EGFR: variants seen among roughly 807,000 people sequenced by gnomAD.
EGFR encodes epidermal growth factor receptor.
EGFR carries 58 observed loss-of-function variants against 143.0 expected under a neutral mutation model. The ratio of observed to expected loss-of-function variants is 0.41; its 90% CI spans 0.33 to 0.50. EGFR has a LOEUF of 0.50. Ranked by LOEUF, EGFR falls within the 20% of genes least tolerant of loss-of-function variation. The pLI, the probability that EGFR is intolerant of heterozygous loss-of-function variation, is 0.39. For missense variants in EGFR, 1,307 were observed against 1,579.0 expected (o/e 0.83, Z 2.92); for synonymous variants, 613 against 594.4 (o/e 1.03, Z -0.45).
chr7:55,027,997 T>A (rs1024746), intron 1 of EGFR, among the ~76,000 whole-genome samples: 13 of 102,606 alleles, frequency 1.3e-4, no homozygotes, highest in African/African-American at 2.2e-4. Context: ...AAAAAATATA[T>A]ATATATATAT....
intron 1 of EGFR, among the ~76,000 whole-genome samples, chr7:55,097,150 C>A (rs916038332): frequency 2.0e-5 from 3 of 152,158 alleles, no homozygotes; most frequent in African/African-American, 2.4e-5. Flanking sequence ...TATTTCTGTG[C>A]CTTGCCCCAG....
chr7:55,145,588 C>T (rs1794719255), intron 3 of EGFR, among the ~76,000 whole-genome samples: 1 of 152,220 alleles, frequency 6.6e-6, no homozygotes, highest in Non-Finnish European at 1.5e-5. Context: ...CCAGGATCTT[C>T]AGGGGTGAAT....
chr7:55,108,259 T>C (rs1312676056), intron 1 of EGFR, among the ~76,000 whole-genome samples: 5 of 152,260 alleles, frequency 3.3e-5, no homozygotes, highest in Admixed American at 3.3e-4. Context: ...GCTTATGTTC[T>C]AGTCATGACT....
chr7:55,193,671 C>T (rs1056910867), intron 22 of EGFR, among the ~76,000 whole-genome samples: 11 of 152,140 alleles, frequency 7.2e-5, no homozygotes, highest in East Asian at 3.9e-4. Context: ...CCATCTACAG[C>T]GACAGGAGCA....
intron 27 of EGFR, among the ~76,000 whole-genome samples, chr7:55,203,255 CAT>C (rs1247519229): frequency 6.7e-6 from 1 of 148,442 alleles, no homozygotes; most frequent in East Asian, 2.0e-4. Flanking sequence ...TGTATACACA[CAT>C]ACACACACCA....
intron 27 of EGFR, among the ~76,000 whole-genome samples, chr7:55,204,678 CCA>C (rs1051614943): frequency 3.7e-5 from 5 of 134,936 alleles, no homozygotes; most frequent in African/African-American, 1.4e-4. Flanking sequence ...CGTACACACA[CCA>C]CACACACCAC....
intron 1 of EGFR, among the ~76,000 whole-genome samples, chr7:55,140,245 C>G (rs1393590895): frequency 6.6e-6 from 1 of 152,102 alleles, no homozygotes; most frequent in African/African-American, 2.4e-5. Context: ...AACTTGCAAG[C>G]TGACGTCCTT....
At chr7:55,105,255 C>G (rs1792064129) in intron 1 of EGFR, among the ~76,000 whole-genome samples, 1 of 152,120 alleles carries the variant, frequency 6.6e-6, no homozygotes, top group African/African-American at 2.4e-5. Context: ...TACCACATAC[C>G]TTTTGGTGTG....
rs1787749428 is a variant in EGFR at position 55,038,897 on chromosome 7, G to A, written c.88+19532G>A. On this transcript the variant is annotated intron_variant, in intron 1 of 27. Coordinates refer to ENST00000275493, the MANE Select transcript of EGFR (RefSeq NM_005228.5). ...TGCTTCCCTGCCGGCAGGTGCTCTGGTTCTGCACTGCCTGTTGTCCCTTGC... is the reference window on the plus strand; with the variant it reads ...TGCTTCCCTGCCGGCAGGTGCTCTGATTCTGCACTGCCTGTTGTCCCTTGC... 2.0e-5 allele frequency among the ~76,000 whole-genome samples: 3 copies of A among 151,748 alleles called. No individual in the cohort carries two copies. The South Asian group carries it at 6.3e-4, about 32-fold the overall frequency.
chr7:55,112,414 C>T (rs916547311), intron 1 of EGFR, among the ~76,000 whole-genome samples: 4 of 152,338 alleles, frequency 2.6e-5, no homozygotes, highest in African/African-American at 9.6e-5. Flanking sequence ...TGCTCAAACC[C>T]ATCATTTGGA....
intron 20 of EGFR, among the ~76,000 whole-genome samples, chr7:55,185,403 T>G (rs545717785): frequency 6.6e-6 from 1 of 152,344 alleles, no homozygotes; most frequent in South Asian, 2.1e-4. Flanking sequence ...CTGTCTACTC[T>G]TCCTGGGATT....
intron 15 of EGFR, chr7:55,170,417 A>G: frequency 1.2e-6 from 2 of 1,614,180 alleles, no homozygotes; most frequent in Non-Finnish European, 1.7e-6. Flanking sequence ...CCAGCTGCTC[A>G]GGAGTCATGC....
chr7:55,193,299 G>A (rs1787481510), intron 22 of EGFR, among the ~76,000 whole-genome samples: 1 of 152,156 alleles, frequency 6.6e-6, no homozygotes, highest in African/African-American at 2.4e-5. Context: ...ACACACTGAG[G>A]ATGTCTGCAG....
intron 15 of EGFR, among the ~76,000 whole-genome samples, chr7:55,166,821 T>G (rs1584206074): frequency 9.8e-6 from 1 of 102,160 alleles, no homozygotes; most frequent in Non-Finnish European, 2.0e-5. Context: ...GAGGTGGGAG[T>G]CACAATGGTG....
At chr7:55,190,910 T>A (rs1787366261) in intron 20 of EGFR, among the ~76,000 whole-genome samples, 2 of 152,100 alleles carry the variant, frequency 1.3e-5, no homozygotes, top group African/African-American at 4.8e-5. Flanking sequence ...AAGGTAGGCA[T>A]CCGTCAAGCA....
intron 1 of EGFR, among the ~76,000 whole-genome samples, chr7:55,084,399 AGTC>A (rs534465363): frequency 5.7e-4 from 87 of 152,340 alleles, no homozygotes; most frequent in Non-Finnish European, 1.1e-3. Context: ...AGGAGGGCTC[AGTC>A]CATTCTTCAT....
At chr7:55,203,166 C>T (rs1787931980) in intron 27 of EGFR, 1 of 239,744 alleles carries the variant, frequency 4.2e-6, no homozygotes, top group Non-Finnish European at 8.2e-6. Flanking sequence ...ACACCACACA[C>T]ATACCATACA....
At chr7:55,159,681 A>G (rs563644672) in intron 11 of EGFR, among the ~76,000 whole-genome samples, 1 of 152,320 alleles carries the variant, frequency 6.6e-6, no homozygotes, top group East Asian at 1.9e-4. Flanking sequence ...CCTGGAGAGG[A>G]GGAAACATAT....
chr7:55,161,869 A>G (rs1444125333), intron 13 of EGFR, among the ~76,000 whole-genome samples: 1 of 152,236 alleles, frequency 6.6e-6, no homozygotes, highest in African/African-American at 2.4e-5. Flanking sequence ...CCAATAATTT[A>G]TAGAATCTCT....
Sources: gnomAD v4.1 joint callset for allele counts (sites outside exome capture counted in the v4.1 genomes callset) on GRCh38, gnomAD v4.1.1 for gene constraint, MANE v1.5 for transcripts, NCBI Gene and HGNC (gene_info 2026-07-23, HGNC 2026-07-21) for gene names.